Variants in DTD1 observed in about 807,000 individuals in gnomAD.
The protein encoded by DTD1 is D-tyrosyl-tRNA deacylase 1 homolog.
In DTD1, 13 loss-of-function variants were observed where a neutral mutation model predicts 25.6. The ratio of observed to expected loss-of-function variants is 0.51; its 90% CI spans 0.33 to 0.81. DTD1 has a LOEUF of 0.81. Among genes scored for constraint, DTD1 ranks in the 30% least tolerant of loss-of-function variants. The probability of loss-of-function intolerance (pLI) is 0.02; values close to 1 mark genes in which losing one functional copy is unlikely to be tolerated. For synonymous variants in DTD1, 110 were observed against 103.6 expected (o/e 1.06, Z -0.37); for missense variants, 193 against 266.4 (o/e 0.72, Z 1.92).
At chr20:18,751,896 A>T (rs2061322931) in intron 5 of DTD1, among the ~76,000 whole-genome samples, 1 of 151,684 alleles carries the variant, frequency 6.6e-6, no homozygotes, top group Admixed American at 6.6e-5. Context: ...TTCTTTAAAA[A>T]CACAAAGAGC....
chr20:18,622,256 C>T (rs1323813697), intron 3 of DTD1, among the ~76,000 whole-genome samples: 2 of 152,006 alleles, frequency 1.3e-5, no homozygotes, highest in African/African-American at 4.8e-5. Context: ...CTGAAAGGCC[C>T]TGGTGTTTGA....
intron 3 of DTD1, among the ~76,000 whole-genome samples, chr20:18,601,066 TTCCAG>T (rs1467380622): frequency 6.6e-6 from 1 of 152,228 alleles, no homozygotes; most frequent in African/African-American, 2.4e-5. Flanking sequence ...TAGCTAGGAC[TTCCAG>T]TCCGGTGTTG....
At chr20:18,655,716 G>C (rs1484466942) in intron 4 of DTD1, among the ~76,000 whole-genome samples, 1 of 152,080 alleles carries the variant, frequency 6.6e-6, no homozygotes, top group Non-Finnish European at 1.5e-5. Flanking sequence ...TCATTGAATG[G>C]CCATATTCTT....
At chr20:18,717,894 T>A (rs1440537416) in intron 4 of DTD1, among the ~76,000 whole-genome samples, 1 of 152,152 alleles carries the variant, frequency 6.6e-6, no homozygotes, top group African/African-American at 2.4e-5. Context: ...TTAGTTAGAA[T>A]TCTCCTCTAA....
At chr20:18,691,194 G>A (rs189064836) in intron 4 of DTD1, among the ~76,000 whole-genome samples, 1 of 152,316 alleles carries the variant, frequency 6.6e-6, no homozygotes, top group Admixed American at 6.5e-5. Flanking sequence ...ACTGTGGAAA[G>A]CAGTTTGGAG....
At chr20:18,760,265 C>T (rs1475986205) in intron 5 of DTD1, among the ~76,000 whole-genome samples, 1 of 152,154 alleles carries the variant, frequency 6.6e-6, no homozygotes, top group Non-Finnish European at 1.5e-5. Flanking sequence ...CAGCTTTGTT[C>T]CATTGCTGGT....
chr20:18,648,503 G>A (rs533934986), intron 4 of DTD1, among the ~76,000 whole-genome samples: 44 of 152,234 alleles, frequency 2.9e-4, no homozygotes, highest in African/African-American at 1.0e-3. Context: ...GGCTGAATTA[G>A]AGCATTTTCA....
At chr20:18,613,026 G>A (rs1337378389) in intron 3 of DTD1, among the ~76,000 whole-genome samples, 1 of 152,152 alleles carries the variant, frequency 6.6e-6, no homozygotes, top group Non-Finnish European at 1.5e-5. Flanking sequence ...TCATGATCAA[G>A]GAAATCAGCG....
At chr20:18,634,342 T>C (rs2060799417) in intron 4 of DTD1, among the ~76,000 whole-genome samples, 1 of 152,226 alleles carries the variant, frequency 6.6e-6, no homozygotes, top group Non-Finnish European at 1.5e-5. Context: ...ATTGAAGGAC[T>C]CTTCCCTGGG....
chr20:18,746,642 C>T (rs2061301781), intron 5 of DTD1, among the ~76,000 whole-genome samples: 1 of 152,106 alleles, frequency 6.6e-6, no homozygotes, highest in Non-Finnish European at 1.5e-5. Flanking sequence ...CTGCAGTGAG[C>T]CATGATTGCA....
intron 5 of DTD1, among the ~76,000 whole-genome samples, chr20:18,758,469 G>A (rs1400181364): frequency 6.6e-6 from 1 of 152,084 alleles, no homozygotes; most frequent in Admixed American, 6.5e-5. Context: ...CTGGTATGTT[G>A]TGTCTTTGTT....
intron 4 of DTD1, among the ~76,000 whole-genome samples, chr20:18,697,918 C>CAT (rs1471378935): frequency 2.6e-5 from 4 of 152,120 alleles, no homozygotes; most frequent in Admixed American, 2.0e-4. Context: ...TCTCTCAACT[C>CAT]ATATAATTTT....
intron 4 of DTD1, among the ~76,000 whole-genome samples, chr20:18,696,618 G>A (rs1484962528): frequency 6.6e-6 from 1 of 152,034 alleles, no homozygotes; most frequent in Non-Finnish European, 1.5e-5. Flanking sequence ...GCAATGGCAC[G>A]ATCTCGGCTC....
chr20:18,695,531 C>T (rs1339294021), intron 4 of DTD1, among the ~76,000 whole-genome samples: 3 of 26,880 alleles, frequency 1.1e-4, no homozygotes, highest in Non-Finnish European at 1.7e-4. Context: ...TTTCCCTTCC[C>T]TTCCTTTCCC....
intron 5 of DTD1, among the ~76,000 whole-genome samples, chr20:18,745,047 G>A (rs552952083): frequency 1.1e-4 from 17 of 152,268 alleles, no homozygotes; most frequent in South Asian, 4.1e-4. Flanking sequence ...CTCACTCACC[G>A]ATACAGAATC....
In DTD1 at chr20:18,647,804, G is replaced by T. The variant is rs185175980; in HGVS notation, c.477+19571G>T. ...AGTCGTCCTCAGCTGTGACCCTCTTGTAGCAGGATGGCAGATAGATTGGAC... is the reference window on the plus strand; with the variant it reads ...AGTCGTCCTCAGCTGTGACCCTCTTTTAGCAGGATGGCAGATAGATTGGAC... On this transcript the variant is annotated intron_variant, in intron 4 of 5. Transcript: ENST00000377452. Among the ~76,000 whole-genome samples, 7 of 152,318 alleles carry T rather than the reference G, an allele frequency of 4.6e-5. No homozygotes were observed. In the East Asian group the frequency reaches 1.4e-3, roughly 29 times the overall value.
At chr20:18,613,574 T>C (rs1283312944) in intron 3 of DTD1, among the ~76,000 whole-genome samples, 1 of 152,252 alleles carries the variant, frequency 6.6e-6, no homozygotes, top group East Asian at 1.9e-4. Context: ...GCTCTCCTTG[T>C]CTGAGAAAAC....
At chr20:18,694,011 G>A (rs1344053300) in intron 4 of DTD1, among the ~76,000 whole-genome samples, 3 of 152,196 alleles carry the variant, frequency 2.0e-5, no homozygotes, top group Non-Finnish European at 2.9e-5. Flanking sequence ...TGCACAGCAC[G>A]GATGCAGGAA....
Position 18,763,811 on chromosome 20 carries a change from A to T in DTD1, c.*471A>T, listed in dbSNP as rs1365248142. The T allele has an allele frequency of 2.0e-5, 3 of 152,248 alleles. No individual in the cohort carries two copies. Among genetic ancestry groups the T allele is most frequent in the Admixed American group, 1.3e-4 (2 of 15,280 alleles). The allele number at this position is 152,248 out of a possible 1,614,324, so 9.4% of individuals were successfully genotyped here. On this transcript the variant is annotated 3_prime_UTR_variant, in exon 6 of 6. Transcript: ENST00000377452. ...AGTGTCAAGAGAGCAATCATCAATG[A>T]TAATGTATTGTGTGAGACCTTTGCA...
Sources: gnomAD v4.1 joint callset for allele counts (sites outside exome capture counted in the v4.1 genomes callset) on GRCh38, gnomAD v4.1.1 for gene constraint, MANE v1.5 for transcripts, NCBI Gene and HGNC (gene_info 2026-07-23, HGNC 2026-07-21) for gene names.